Variants in RNF169 observed in about 807,000 individuals in gnomAD.
RNF169 encodes the protein E3 ubiquitin-protein ligase RNF169.
Under a neutral mutation model 53.9 loss-of-function variants are expected in RNF169, and 24 were observed. That is an observed-to-expected ratio of 0.45 (90% CI 0.32 to 0.63). The LOEUF (loss-of-function observed/expected upper bound fraction) is 0.63. Among genes scored for constraint, RNF169 ranks in the 20% least tolerant of loss-of-function variants. The pLI is 0.04. For synonymous variants in RNF169, 396 were observed against 363.5 expected, an observed-to-expected ratio of 1.09 and a Z score of -1.02; for missense variants, 883 against 906.2, an observed-to-expected ratio of 0.97 and a Z score of 0.33.
At chr11:74,815,505 G>A (rs557846192) in intron 3 of RNF169, among the ~76,000 whole-genome samples, 17 of 152,138 alleles carry the variant, frequency 1.1e-4, no homozygotes, top group Non-Finnish European at 1.8e-4. Flanking sequence ...GCAGTGTGCC[G>A]GGATCGTGCC....
In RNF169 at chr11:74,837,263, T is replaced by G. The variant is rs1210249417; in HGVS notation, c.*533T>G. The G allele has an allele frequency of 6.5e-6, 1 of 153,042 alleles. No individual in the cohort carries two copies. The highest frequency in any genetic ancestry group is 1.5e-5 in the Non-Finnish European group (1 of 68,722). The allele number at this position is 153,042 out of a possible 1,614,324, so 9.5% of individuals were successfully genotyped here. ...TGCCTTTACAAAAGTTAATTTACAT[T>G]CTCTGTTTAAAAAATAATATTTGGT... On this transcript the variant is annotated 3_prime_UTR_variant, in exon 6 of 6. Transcript: ENST00000299563.
Position 74,835,562 on chromosome 11 carries a change from C to T in RNF169, c.959C>T (p.Pro320Leu). 1 of 1,613,836 alleles carries T rather than the reference C, an allele frequency of 6.2e-7. No individual in the cohort carries two copies. Among genetic ancestry groups the T allele is most frequent in the South Asian group, 1.1e-5 (1 of 91,066 alleles). ...CTCTTTCAGGTCACAACTATGACTC[C>T]AGCCTCCAACCCCATCATTGGTGTC... ...GNKAKVTTMT[P>L]ASNPIIGVLL... Residue 320 changes from proline to leucine, a missense_variant, in exon 6 of 6, where the codon CCA (proline) becomes CTA (leucine). Pro to Leu is a moderately conservative substitution (Grantham distance 98). This residue lies in a region of RNF169 where 219 missense variants were observed against 289.1 expected (regional missense o/e 0.76). Transcript: ENST00000299563.
chr11:74,755,816 GTGGAGTGTGGAC>G (rs1258147297), intron 1 of RNF169, among the ~76,000 whole-genome samples: 1 of 152,206 alleles, frequency 6.6e-6, no homozygotes, highest in Non-Finnish European at 1.5e-5. Flanking sequence ...CTAAATATAG[GTGGAGTGTGGAC>G]TGGAGTGGGG....
At chr11:74,765,806 C>CAA (rs35483204) in intron 1 of RNF169, among the ~76,000 whole-genome samples, 7 of 108,954 alleles carry the variant, frequency 6.4e-5, no homozygotes, top group Middle Eastern at 4.8e-3. Context: ...GGCAACATCT[C>CAA]AAAAAAAAAA....
intron 4 of RNF169, among the ~76,000 whole-genome samples, chr11:74,820,097 G>C (rs115009471): frequency 0.032 from 4,924 of 152,114 alleles, 249 homozygotes; most frequent in African/African-American, 0.11. Context: ...CTGGGAAATA[G>C]GTACCCTTCC....
intron 1 of RNF169, among the ~76,000 whole-genome samples, chr11:74,759,156 T>C (rs1248314826): frequency 2.9e-5 from 3 of 102,678 alleles, no homozygotes; most frequent in Non-Finnish European, 3.9e-5. Context: ...TGTACATTGA[T>C]TTTGTATCCT....
intron 2 of RNF169, among the ~76,000 whole-genome samples, chr11:74,804,232 C>G (rs1425631017): frequency 6.6e-6 from 1 of 152,044 alleles, no homozygotes; most frequent in Non-Finnish European, 1.5e-5. Flanking sequence ...GAATGGTGTC[C>G]AGTCAAGGGT....
chr11:74,810,806 C>G (rs1397004072), intron 3 of RNF169, among the ~76,000 whole-genome samples: 1 of 152,124 alleles, frequency 6.6e-6, no homozygotes, highest in African/African-American at 2.4e-5. Flanking sequence ...TGGGCCAAAT[C>G]CTGCCTGAGT....
chr11:74,757,445 C>T (rs1292840140), intron 1 of RNF169, among the ~76,000 whole-genome samples: 1 of 142,776 alleles, frequency 7.0e-6, no homozygotes, highest in East Asian at 2.1e-4. Flanking sequence ...GTGAATAATG[C>T]CGCAGTAAAC....
chr11:74,764,297 G>C (rs1294765604), intron 1 of RNF169, among the ~76,000 whole-genome samples: 4 of 152,362 alleles, frequency 2.6e-5, no homozygotes, highest in Non-Finnish European at 2.9e-5. Flanking sequence ...ACTTTGGGAG[G>C]CCGAGGTGGG....
intron 1 of RNF169, among the ~76,000 whole-genome samples, chr11:74,750,975 A>G (rs1194465678): frequency 1.3e-5 from 2 of 148,418 alleles, no homozygotes; most frequent in South Asian, 2.1e-4. Flanking sequence ...CCCAGGTTCA[A>G]GCGATTCTCC....
rs201390346 is a variant in RNF169, at chr11:74,835,614, C to T, written c.1011C>T (p.Cys337=). 1.8e-5 allele frequency: 29 copies of T among 1,614,192 alleles called. No individual in the cohort carries two copies. In the African/African-American group the frequency reaches 2.4e-4, roughly 13 times the overall value. The change falls in exon 6 of 6, where the codon TGC becomes TGT. Residue 337 remains cysteine (C), a synonymous_variant. Transcript: ENST00000299563. ...GVLLSTQNNR[C]VSAPDLTIEK... ...TCTTGTCAACTCAAAACAACCGCTGCGTCTCGGCCCCTGACTTAACCATCG... is the reference window on the plus strand; with the variant it reads ...TCTTGTCAACTCAAAACAACCGCTGTGTCTCGGCCCCTGACTTAACCATCG...
intron 4 of RNF169, among the ~76,000 whole-genome samples, chr11:74,819,720 T>C (rs1245485793): frequency 3.3e-5 from 5 of 152,132 alleles, no homozygotes; most frequent in African/African-American, 1.2e-4. Context: ...AGGATTAATA[T>C]GGGATTTAGG....
intron 1 of RNF169, among the ~76,000 whole-genome samples, chr11:74,783,175 T>A (rs1218492436): frequency 6.6e-6 from 1 of 152,140 alleles, no homozygotes; most frequent in East Asian, 1.9e-4. Context: ...GTGGATGCTT[T>A]GGCAATGACA....
At chr11:74,809,355 A>G (rs2035844783) in intron 2 of RNF169, among the ~76,000 whole-genome samples, 1 of 152,208 alleles carries the variant, frequency 6.6e-6, no homozygotes, top group Non-Finnish European at 1.5e-5. Flanking sequence ...AAATACTATT[A>G]TATTGTTATC....
chr11:74,785,210 GAT>G (rs956483894), intron 1 of RNF169, among the ~76,000 whole-genome samples: 44 of 63,342 alleles, frequency 6.9e-4, no homozygotes, highest in East Asian at 2.5e-3. Flanking sequence ...ATATATATAT[GAT>G]ATATATATGT....
At chr11:74,795,137 C>CT (rs374784315) in intron 2 of RNF169, among the ~76,000 whole-genome samples, 1 of 150,514 alleles carries the variant, frequency 6.6e-6, no homozygotes, top group East Asian at 2.0e-4. Context: ...ATAATACAAT[C>CT]TATTTGGTGA....
At chr11:74,769,645 A>T (rs1246470908) in intron 1 of RNF169, among the ~76,000 whole-genome samples, 1 of 152,256 alleles carries the variant, frequency 6.6e-6, no homozygotes, top group Non-Finnish European at 1.5e-5. Flanking sequence ...ATATATCAAC[A>T]TGGATAAATC....
intron 1 of RNF169, among the ~76,000 whole-genome samples, chr11:74,750,097 G>C (rs142854437): frequency 6.6e-6 from 1 of 152,254 alleles, no homozygotes; most frequent in Non-Finnish European, 1.5e-5. Context: ...TGGCAGTATG[G>C]GTTTCCTACT....
Sources: allele counts gnomAD v4.1 joint callset (sites outside exome capture counted in the v4.1 genomes callset), GRCh38; gene constraint gnomAD v4.1.1; regional missense constraint gnomAD v4.1.1; transcripts MANE v1.5; gene names NCBI Gene and HGNC (gene_info 2026-07-23, HGNC 2026-07-21).